ST8SIA5: variants seen among roughly 807,000 people sequenced by gnomAD.
ST8SIA5 encodes the protein ST8 alpha-N-acetyl-neuraminide alpha-2,8-sialyltransferase 5.
In ST8SIA5, 24 loss-of-function variants were observed where a neutral mutation model predicts 40.2. The ratio of observed to expected loss-of-function variants is 0.60; its 90% CI spans 0.43 to 0.84. The LOEUF (loss-of-function observed/expected upper bound fraction) is 0.84, where lower values mean the gene tolerates loss of function less well. Among genes scored for constraint, ST8SIA5 ranks in the 40% least tolerant of loss-of-function variants. The pLI is 0.00. For synonymous variants in ST8SIA5, 198 were observed against 201.8 expected, an observed-to-expected ratio of 0.98 and a Z score of 0.16; for missense variants, 465 against 498.5, an observed-to-expected ratio of 0.93 and a Z score of 0.64.
intron 1 of ST8SIA5, among the ~76,000 whole-genome samples, chr18:46,718,896 C>T (rs1444276084): frequency 6.6e-6 from 1 of 152,046 alleles, no homozygotes; most frequent in Non-Finnish European, 1.5e-5. Context: ...TAGGTCCTCC[C>T]CCAAGCTCTG....
At chr18:46,722,766 T>C (rs1402269351) in intron 1 of ST8SIA5, among the ~76,000 whole-genome samples, 2 of 152,236 alleles carry the variant, frequency 1.3e-5, no homozygotes, top group African/African-American at 4.8e-5. Flanking sequence ...TGCCAATGTC[T>C]ACTGGGGGCA....
chr18:46,727,432 A>C (rs1365176603), intron 1 of ST8SIA5, among the ~76,000 whole-genome samples: 1 of 152,226 alleles, frequency 6.6e-6, no homozygotes, highest in South Asian at 2.1e-4. Flanking sequence ...TGCTTCCCTG[A>C]GCCAACTACC....
chr18:46,704,075 G>T (rs1599116370), intron 2 of ST8SIA5, among the ~76,000 whole-genome samples: 1 of 152,096 alleles, frequency 6.6e-6, no homozygotes, highest in African/African-American at 2.4e-5. Context: ...TCACCTCTGG[G>T]GAGAACTCGG....
intron 2 of ST8SIA5, among the ~76,000 whole-genome samples, chr18:46,698,698 C>T (rs150276368): frequency 1.1e-4 from 16 of 152,152 alleles, no homozygotes; most frequent in Non-Finnish European, 1.5e-4. Context: ...GAAGTAAACA[C>T]AAAAGAAGCT....
intron 1 of ST8SIA5, among the ~76,000 whole-genome samples, chr18:46,748,980 G>GA (rs1428811785): frequency 2.6e-5 from 4 of 152,184 alleles, no homozygotes; most frequent in Non-Finnish European, 4.4e-5. Flanking sequence ...GAAGAACAGA[G>GA]AAACAGAATG....
At chr18:46,737,854 T>C (rs1354812741) in intron 1 of ST8SIA5, among the ~76,000 whole-genome samples, 1 of 152,032 alleles carries the variant, frequency 6.6e-6, no homozygotes, top group Non-Finnish European at 1.5e-5. Flanking sequence ...CACTGCAACC[T>C]CTACCTCCCA....
chr18:46,700,314 A>G lies in ST8SIA5; in HGVS notation c.224+4258T>C, dbSNP rs552522115. Among the ~76,000 whole-genome samples, 9 of 152,290 alleles carry G rather than the reference A, an allele frequency of 5.9e-5. No individual in the cohort carries two copies. In the South Asian group the frequency reaches 1.5e-3, roughly 25 times the overall value. Reference sequence around the variant, plus strand: ...ACCTCCCTGTCTCCTCAAACAAAACACCAGCTGACATTCTGCAGGCCCGAA... The same window carrying G: ...ACCTCCCTGTCTCCTCAAACAAAACGCCAGCTGACATTCTGCAGGCCCGAA... On this transcript the variant is annotated intron_variant, in intron 2 of 6. Coordinates refer to ENST00000315087, the MANE Select transcript of ST8SIA5 (RefSeq NM_013305.6).
At chr18:46,725,284 A>G (rs1487859966) in intron 1 of ST8SIA5, among the ~76,000 whole-genome samples, 1 of 152,206 alleles carries the variant, frequency 6.6e-6, no homozygotes, top group Non-Finnish European at 1.5e-5. Context: ...GTTAGTTCAC[A>G]AACATATCAA....
At chr18:46,718,907 C>A (rs2039822110) in intron 1 of ST8SIA5, among the ~76,000 whole-genome samples, 1 of 152,156 alleles carries the variant, frequency 6.6e-6, no homozygotes, top group African/African-American at 2.4e-5. Context: ...CCAAGCTCTG[C>A]ACAGCTGCTG....
intron 1 of ST8SIA5, among the ~76,000 whole-genome samples, chr18:46,743,650 T>C (rs373036087): frequency 1.3e-5 from 2 of 152,120 alleles, no homozygotes; most frequent in Non-Finnish European, 2.9e-5. Context: ...TTCAGGATAT[T>C]ATCCAGGAGA....
At chr18:46,694,173 T>C (rs1356755977) in intron 2 of ST8SIA5, among the ~76,000 whole-genome samples, 1 of 152,194 alleles carries the variant, frequency 6.6e-6, no homozygotes, top group Admixed American at 6.5e-5. Context: ...CATTATACAA[T>C]TGGGCGAGCC....
intron 1 of ST8SIA5, among the ~76,000 whole-genome samples, chr18:46,745,542 C>G (rs1346909572): frequency 6.6e-6 from 1 of 152,140 alleles, no homozygotes; most frequent in Non-Finnish European, 1.5e-5. Flanking sequence ...CTGAATAGAC[C>G]AATAACAGGT....
chr18:46,688,416 T>A (rs328118), intron 4 of ST8SIA5, among the ~76,000 whole-genome samples: 2 of 152,162 alleles, frequency 1.3e-5, no homozygotes, highest in African/African-American at 4.8e-5. Flanking sequence ...TGCTCACAAC[T>A]TCTGCATGTG....
chr18:46,747,755 T>A (rs1430342975), intron 1 of ST8SIA5, among the ~76,000 whole-genome samples: 1 of 152,190 alleles, frequency 6.6e-6, no homozygotes, highest in African/African-American at 2.4e-5. Context: ...CATGCTACTA[T>A]AAAGACTCAT....
In ST8SIA5 at chr18:46,677,717, C is replaced by T. The variant is rs1015158111; in HGVS notation, c.*2325G>A. 6.6e-6 allele frequency: 1 copy of T among 152,202 alleles called. No individual in the cohort carries two copies. The highest frequency in any genetic ancestry group is 2.1e-4 in the South Asian group (1 of 4,822). 9.4% of individuals were successfully genotyped at this position (152,202 alleles called of 1,614,324 possible). ...GATCCCGATGCTCCAATCCTCAGCT[C>T]CTACGAGGGCCCTGGCTGGGGCAGA... On this transcript the variant is annotated 3_prime_UTR_variant, in exon 7 of 7. Transcript: ENST00000315087.
chr18:46,753,916 T>C (rs12457104), intron 1 of ST8SIA5, among the ~76,000 whole-genome samples: 85,196 of 151,816 alleles, frequency 0.56, 24,524 homozygotes, highest in East Asian at 0.69. Flanking sequence ...TTAGTAGATC[T>C]CACCCGAAGA....
intron 2 of ST8SIA5, among the ~76,000 whole-genome samples, chr18:46,695,884 G>T (rs985766027): frequency 1.3e-5 from 2 of 152,246 alleles, no homozygotes; most frequent in African/African-American, 2.4e-5. Context: ...TAGAAATACA[G>T]TAGTGAACAA....
chr18:46,688,422 A>C (rs560308501), intron 4 of ST8SIA5, among the ~76,000 whole-genome samples: 19 of 152,180 alleles, frequency 1.2e-4, no homozygotes, highest in Non-Finnish European at 2.6e-4. Context: ...CAACTTCTGC[A>C]TGTGCGTTTG....
chr18:46,709,192 G>A (rs886522489), intron 1 of ST8SIA5, among the ~76,000 whole-genome samples: 15 of 152,208 alleles, frequency 9.9e-5, no homozygotes, highest in African/African-American at 2.9e-4. Context: ...TAAGAGGCAG[G>A]GCCTTTGGGA....
Sources: allele counts gnomAD v4.1 joint callset (sites outside exome capture counted in the v4.1 genomes callset), GRCh38; gene constraint gnomAD v4.1.1; transcripts MANE v1.5; gene names NCBI Gene and HGNC (gene_info 2026-07-23, HGNC 2026-07-21).